PTPRD: variants seen among roughly 807,000 people sequenced by gnomAD.
PTPRD encodes the protein protein tyrosine phosphatase receptor type D.
PTPRD carries 34 observed loss-of-function variants against 214.5 expected under a neutral mutation model. The observed-to-expected ratio is 0.16, with a 90% CI of 0.12 to 0.21. The LOEUF is 0.21. Among genes scored for constraint, PTPRD ranks in the 10% least tolerant of loss-of-function variants. The probability of loss-of-function intolerance (pLI) is 1.00; values close to 1 mark genes in which losing one functional copy is unlikely to be tolerated. For missense variants in PTPRD, 2,545 were observed against 2,398.7 expected (o/e 1.06, Z -1.27); for synonymous variants, 1,128 against 845.7 (o/e 1.33, Z -5.79).
intron 2 of PTPRD, among the ~76,000 whole-genome samples, chr9:10,411,844 T>A: frequency 6.6e-6 from 1 of 151,910 alleles, no homozygotes; most frequent in East Asian, 2.0e-4. Flanking sequence ...AAAAACAAAC[T>A]ATTAAATATC....
At chr9:8,742,263 T>C (rs2092109423) in intron 11 of PTPRD, among the ~76,000 whole-genome samples, 1 of 152,192 alleles carries the variant, frequency 6.6e-6, no homozygotes, top group African/African-American at 2.4e-5. Flanking sequence ...GTATATATTA[T>C]GCACAACATG....
chr9:9,941,758 T>C (rs918368402), intron 4 of PTPRD, among the ~76,000 whole-genome samples: 2 of 152,052 alleles, frequency 1.3e-5, no homozygotes, highest in Non-Finnish European at 2.9e-5. Flanking sequence ...GAAGAAGAGG[T>C]CCCAAAGGAA....
At chr9:10,368,681 G>A (rs1036724835) in intron 2 of PTPRD, among the ~76,000 whole-genome samples, 5 of 151,944 alleles carry the variant, frequency 3.3e-5, no homozygotes, top group Admixed American at 6.6e-5. Flanking sequence ...TTATGGGAAG[G>A]AACTAAAAAG....
At chr9:9,704,960 C>T (rs985109272) in intron 7 of PTPRD, among the ~76,000 whole-genome samples, 1 of 152,208 alleles carries the variant, frequency 6.6e-6, no homozygotes, top group Non-Finnish European at 1.5e-5. Flanking sequence ...AGTAAAATGA[C>T]TGTTTTAAGC....
intron 9 of PTPRD, among the ~76,000 whole-genome samples, chr9:9,373,321 A>G (rs922638566): frequency 6.6e-6 from 1 of 152,118 alleles, no homozygotes; most frequent in Admixed American, 6.6e-5. Context: ...TCTATAATTT[A>G]TATGCAAAGA....
chr9:9,540,715 G>A (rs2077416897), intron 8 of PTPRD, among the ~76,000 whole-genome samples: 1 of 151,782 alleles, frequency 6.6e-6, no homozygotes, highest in Admixed American at 6.6e-5. Flanking sequence ...TTGGTGACAG[G>A]AAGTTGAGAT....
intron 11 of PTPRD, among the ~76,000 whole-genome samples, chr9:8,878,921 G>A (rs1362775706): frequency 6.6e-6 from 1 of 152,180 alleles, no homozygotes; most frequent in Non-Finnish European, 1.5e-5. Context: ...TGGTGACTCT[G>A]GTTAGATGTC....
intron 12 of PTPRD, among the ~76,000 whole-genome samples, chr9:8,706,428 T>C (rs939018647): frequency 2.6e-4 from 40 of 152,212 alleles, no homozygotes; most frequent in Non-Finnish European, 3.5e-4. Flanking sequence ...GCATCTCACA[T>C]TTCAGCAGCT....
intron 2 of PTPRD, among the ~76,000 whole-genome samples, chr9:10,379,233 T>C (rs997187387): frequency 1.3e-5 from 2 of 151,844 alleles, no homozygotes; most frequent in African/African-American, 2.4e-5. Context: ...TGTTTGTTAG[T>C]TCTAATAGTT....
intron 39 of PTPRD, among the ~76,000 whole-genome samples, chr9:8,373,612 G>GGT (rs36212158): frequency 0.017 from 2,439 of 141,466 alleles, 31 homozygotes; most frequent in Middle Eastern, 0.045. Context: ...CATGGATGCG[G>GGT]GTGTGTGTGT....
chr9:10,557,344 G>A (rs1056294750), intron 2 of PTPRD, among the ~76,000 whole-genome samples: 2 of 152,076 alleles, frequency 1.3e-5, no homozygotes, highest in East Asian at 1.9e-4. Context: ...GATTAGCAGA[G>A]AGAGTGAATA....
intron 12 of PTPRD, among the ~76,000 whole-genome samples, chr9:8,667,332 G>T (rs117728414): frequency 6.6e-6 from 1 of 152,022 alleles, no homozygotes; most frequent in African/African-American, 2.4e-5. Flanking sequence ...AGAGCAAAAC[G>T]TCGTCTCTAA....
chr9:10,132,061 A>G (rs188009710), intron 3 of PTPRD, among the ~76,000 whole-genome samples: 1 of 152,278 alleles, frequency 6.6e-6, no homozygotes, highest in African/African-American at 2.4e-5. Flanking sequence ...TAGAGTAAAT[A>G]AAAAATATTG....
intron 4 of PTPRD, among the ~76,000 whole-genome samples, chr9:9,989,546 C>G (rs2095841417): frequency 6.6e-6 from 1 of 152,114 alleles, no homozygotes; most frequent in Non-Finnish European, 1.5e-5. Flanking sequence ...CCCCTTCTAG[C>G]TCCCCTTCTT....
intron 31 of PTPRD, among the ~76,000 whole-genome samples, chr9:8,468,139 T>C (rs185242180): frequency 6.6e-6 from 1 of 152,180 alleles, no homozygotes; most frequent in East Asian, 1.9e-4. Context: ...TATTTGAGCT[T>C]TTGGGTATTC....
chr9:9,297,668 T>C (rs927966440), intron 9 of PTPRD, among the ~76,000 whole-genome samples: 6 of 151,648 alleles, frequency 4.0e-5, no homozygotes, highest in Admixed American at 3.3e-4. Flanking sequence ...TTCTTCGTTA[T>C]CATAAAAAAT....
At chr9:10,081,907 C>A (rs953137637) in intron 3 of PTPRD, among the ~76,000 whole-genome samples, 1 of 151,966 alleles carries the variant, frequency 6.6e-6, no homozygotes, top group African/African-American at 2.4e-5. Flanking sequence ...TGATCATTTA[C>A]AGCATAATAC....
At chr9:8,797,040 T>A (rs2096449436) in intron 11 of PTPRD, 1 of 152,054 alleles carries the variant, frequency 6.6e-6, no homozygotes, top group African/African-American at 2.4e-5. Flanking sequence ...CCCCAACCAT[T>A]TGGGATAAAC....
intron 5 of PTPRD, among the ~76,000 whole-genome samples, chr9:9,870,924 G>T (rs977073532): frequency 6.6e-6 from 1 of 152,094 alleles, no homozygotes; most frequent in Admixed American, 6.6e-5. Context: ...TACATGTGAA[G>T]TTTGTGTGGC....
Sources: allele counts gnomAD v4.1 joint callset (sites outside exome capture counted in the v4.1 genomes callset), GRCh38; gene constraint gnomAD v4.1.1; transcripts MANE v1.5; gene names NCBI Gene and HGNC (gene_info 2026-07-23, HGNC 2026-07-21).